The following DEPDC5 variants were observed in gnomAD, a reference collection of about 807,000 sequenced individuals.
DEPDC5 encodes DEP domain containing 5, GATOR1 subcomplex subunit.
A neutral mutation model predicts 217.3 loss-of-function variants in DEPDC5; 73 were observed. The ratio of observed to expected loss-of-function variants is 0.34; its 90% CI spans 0.28 to 0.41. DEPDC5 has a LOEUF of 0.41. Ranked by LOEUF, DEPDC5 falls within the 10% of genes least tolerant of loss-of-function variation. DEPDC5 has a pLI of 1.00. For missense variants in DEPDC5, 1,675 were observed against 2,070.1 expected (o/e 0.81, Z 3.70); for synonymous variants, 733 against 756.7 (o/e 0.97, Z 0.51).
rs758572377 is a variant in DEPDC5, at chr22:31,806,113, CT to C, written c.1218-5del. The C allele has an allele frequency of 1.2e-4, 194 of 1,609,418 alleles. 2 individuals are homozygous for C. In the South Asian group the frequency reaches 2.0e-3, roughly 17 times the overall value. ...TTTAGATTAATGACTCTGTTTGTTT[CT>C]TTTACAGTTTCTACACATCCAAAAG... On this transcript the variant is annotated splice_region_variant and splice_polypyrimidine_tract_variant and intron_variant, in intron 17 of 42. Transcript: ENST00000651528.
intron 24 of DEPDC5, chr22:31,823,066 G>A: frequency 2.5e-6 from 1 of 394,026 alleles, no homozygotes; most frequent in South Asian, 2.3e-5. Context: ...AGTATTGAGG[G>A]CAACACCATG....
intron 20 of DEPDC5, among the ~76,000 whole-genome samples, chr22:31,811,749 T>C (rs967751091): frequency 2.6e-5 from 4 of 151,522 alleles, no homozygotes; most frequent in African/African-American, 9.7e-5. Context: ...AGGTCTCACA[T>C]ATTGCCAGGC....
chr22:31,869,054 G>A (rs1477487256), intron 33 of DEPDC5, among the ~76,000 whole-genome samples: 1 of 151,996 alleles, frequency 6.6e-6, no homozygotes, highest in Non-Finnish European at 1.5e-5. Flanking sequence ...ATCAGCCGAG[G>A]CAACATAGCT....
In DEPDC5 at chr22:31,845,213, G is replaced by A. The variant is rs372078779; in HGVS notation, c.2997G>A (p.Arg999=). ...FVEGLNRIRR[R]HRSDRMMRKG... is the part of the protein sequence containing the mutation. ...AGGGCTTGAATCGCATTCGCAGGCG[G>A]CATCGCTCGGATCGCATGATGCGGG... Residue 999 remains arginine (R), a synonymous_variant, in exon 30 of 43, where the codon CGG becomes CGA. Coordinates refer to ENST00000651528, the MANE Select transcript of DEPDC5 (RefSeq NM_001242896.3). 3 of 1,614,074 alleles carry A rather than the reference G, an allele frequency of 1.9e-6. No homozygotes were observed. Among genetic ancestry groups the A allele is most frequent in the Middle Eastern group, 1.7e-4 (1 of 6,060 alleles).
At chr22:31,863,644 T>G (rs1296398949) in intron 33 of DEPDC5, among the ~76,000 whole-genome samples, 3 of 152,210 alleles carry the variant, frequency 2.0e-5, no homozygotes, top group Admixed American at 1.3e-4. Flanking sequence ...ACCCTGTCTG[T>G]AATTTTTTAA....
At chr22:31,803,849 T>TC (rs1417542235) in intron 15 of DEPDC5, among the ~76,000 whole-genome samples, 1 of 152,236 alleles carries the variant, frequency 6.6e-6, no homozygotes, top group African/African-American at 2.4e-5. Context: ...AAGTTACTGT[T>TC]CCTTTCTGGC....
chr22:31,811,623 C>T (rs1568980943), intron 20 of DEPDC5, among the ~76,000 whole-genome samples: 1 of 151,416 alleles, frequency 6.6e-6, no homozygotes, highest in Non-Finnish European at 1.5e-5. Context: ...GTTGACAGCT[C>T]ACTGTAACCT....
At chr22:31,789,332 T>TAC (rs1286824513) in intron 10 of DEPDC5, among the ~76,000 whole-genome samples, 2 of 152,236 alleles carry the variant, frequency 1.3e-5, no homozygotes, top group Non-Finnish European at 2.9e-5. Flanking sequence ...TAACACATGC[T>TAC]ACAGCATAGA....
At chr22:31,794,382 A>AT (rs1398959860) in intron 12 of DEPDC5, among the ~76,000 whole-genome samples, 1 of 152,140 alleles carries the variant, frequency 6.6e-6, no homozygotes, top group Non-Finnish European at 1.5e-5. Flanking sequence ...ATATGAATTA[A>AT]TTTGAGCATG....
At chr22:31,889,036 T>C (rs933053673) in intron 38 of DEPDC5, among the ~76,000 whole-genome samples, 2 of 152,216 alleles carry the variant, frequency 1.3e-5, no homozygotes, top group African/African-American at 4.8e-5. Context: ...GCACCTCTGA[T>C]TGTTACGTAG....
chr22:31,900,182 G>C (rs1320152752), intron 40 of DEPDC5, among the ~76,000 whole-genome samples: 1 of 152,006 alleles, frequency 6.6e-6, no homozygotes, highest in Non-Finnish European at 1.5e-5. Flanking sequence ...GATTACCTGG[G>C]ATTACAGGCA....
chr22:31,854,503 G>A (rs1038404407), intron 31 of DEPDC5, among the ~76,000 whole-genome samples: 1 of 152,192 alleles, frequency 6.6e-6, no homozygotes, highest in Admixed American at 6.5e-5. Flanking sequence ...CCAAGTAATT[G>A]GTGTGGGGAA....
chr22:31,820,124 G>A (rs1401966567), intron 22 of DEPDC5, among the ~76,000 whole-genome samples: 1 of 152,068 alleles, frequency 6.6e-6, no homozygotes. Context: ...GTGTGTGTGT[G>A]TGTGTGAGAC....
chr22:31,897,877 AAAAT>A (rs2093581521), intron 40 of DEPDC5, among the ~76,000 whole-genome samples: 1 of 152,188 alleles, frequency 6.6e-6, no homozygotes, highest in South Asian at 2.1e-4. Context: ...CCTTATTCCT[AAAAT>A]GAGAGTGTCT....
rs1278860393 is a variant in DEPDC5, at chr22:31,778,494, C to G, written c.483+326C>G. On this transcript the variant is annotated intron_variant, in intron 8 of 42. Coordinates refer to ENST00000651528, the MANE Select transcript of DEPDC5 (RefSeq NM_001242896.3). The stretch of plus-strand genomic sequence containing the variant: ...ACAGAGCAAGACCCCATCTCAAAAA[C>G]AAACAAAAAACACAAACAAACAAAA... Among the ~76,000 whole-genome samples the G allele has an allele frequency of 2.0e-5, 3 of 152,096 alleles. No homozygotes were observed. In the East Asian group the frequency reaches 5.8e-4, roughly 29 times the overall value.
chr22:31,761,610 C>T (rs2082393211), intron 4 of DEPDC5, among the ~76,000 whole-genome samples: 1 of 146,806 alleles, frequency 6.8e-6, no homozygotes. Context: ...TTTCAATGAG[C>T]TATAACGGTG....
intron 18 of DEPDC5, among the ~76,000 whole-genome samples, chr22:31,806,840 T>C (rs2087600569): frequency 6.6e-6 from 1 of 152,072 alleles, no homozygotes; most frequent in Non-Finnish European, 1.5e-5. Flanking sequence ...TGAGACCCCA[T>C]TTCTGTAAAA....
chr22:31,774,860 G>T (rs2083679937), intron 7 of DEPDC5, among the ~76,000 whole-genome samples: 1 of 151,608 alleles, frequency 6.6e-6, no homozygotes, highest in Non-Finnish European at 1.5e-5. Context: ...TTGACCTCGT[G>T]ATCCACCCAC....
chr22:31,863,787 G>A (rs932891730), intron 33 of DEPDC5, among the ~76,000 whole-genome samples: 10 of 151,980 alleles, frequency 6.6e-5, no homozygotes, highest in East Asian at 1.9e-4. Context: ...GACCGGGCTC[G>A]TGGCGTGCGC....
Sources: gnomAD v4.1 joint callset for allele counts (sites outside exome capture counted in the v4.1 genomes callset) on GRCh38, gnomAD v4.1.1 for gene constraint, MANE v1.5 for transcripts, NCBI Gene and HGNC (gene_info 2026-07-23, HGNC 2026-07-21) for gene names.